NIF3L1: variants seen among roughly 807,000 people sequenced by gnomAD.
NIF3L1 encodes NGG1 interacting factor 3 like 1.
Under a neutral mutation model 35.0 loss-of-function variants are expected in NIF3L1, and 26 were observed. The observed-to-expected ratio is 0.74, with a 90% CI of 0.54 to 1.03. The LOEUF (loss-of-function observed/expected upper bound fraction) is 1.03, where lower values mean the gene tolerates loss of function less well. NIF3L1 is among the 50% of genes least tolerant of loss of function. The probability of loss-of-function intolerance (pLI) is 0.00; values close to 1 mark genes in which losing one functional copy is unlikely to be tolerated. For missense variants in NIF3L1, 449 were observed against 466.3 expected (o/e 0.96, Z 0.34); for synonymous variants, 157 against 178.9 (o/e 0.88, Z 0.98).
intron 1 of NIF3L1, among the ~76,000 whole-genome samples, chr2:200,891,159 G>C (rs1404327853): frequency 6.6e-6 from 1 of 151,950 alleles, no homozygotes; most frequent in Middle Eastern, 3.2e-3. Context: ...GTTTCACCAC[G>C]TTGGCCAGGA....
chr2:200,894,531 G>T (rs1254372643), intron 3 of NIF3L1, among the ~76,000 whole-genome samples: 1 of 151,816 alleles, frequency 6.6e-6, no homozygotes, highest in Non-Finnish European at 1.5e-5. Context: ...CTCCCCAGTA[G>T]CTGGGACTAC....
chr2:200,892,201 A>C lies in NIF3L1; in HGVS notation c.258A>C (p.Ala86=), dbSNP rs750992061. ...TGGAGGAGGTGCTGCAAAAGAAGGC[A>C]GACCTCATTCTCTCCTACCATCCGC... ...EVMEEVLQKK[A]DLILSYHPPI... Residue 86 remains alanine, a synonymous_variant, in exon 2 of 7, where the codon GCA becomes GCC. Transcript: ENST00000409020. The C allele has an allele frequency of 1.9e-6, 3 of 1,614,126 alleles. No individual in the cohort carries two copies. The highest frequency in any genetic ancestry group is 2.7e-5 in the African/African-American group (2 of 74,942).
intron 6 of NIF3L1, among the ~76,000 whole-genome samples, chr2:200,901,955 T>C (rs1282273208): frequency 6.6e-6 from 1 of 152,152 alleles, no homozygotes; most frequent in African/African-American, 2.4e-5. Context: ...TCTACTATTA[T>C]AGATTAAGAT....
chr2:200,899,462 C>T lies in NIF3L1; in HGVS notation c.943C>T (p.Leu315Phe). The T allele has an allele frequency of 6.2e-7, 1 of 1,613,564 alleles. No individual in the cohort carries two copies. Among genetic ancestry groups the T allele is most frequent in the South Asian group, 1.1e-5 (1 of 91,044 alleles). ...GCAGGGTGTTGAGGCTGACCTTTAC[C>T]TCACAGGTAGGACAGACTTTGGATC... ...VLQGVEADLY[L>F]TGEMSHHDTL... Residue 315 changes from leucine (L) to phenylalanine (F), a missense_variant, in exon 6 of 7, where the codon CTC becomes TTC. Physicochemically the swap from Leu to Phe is conservative, Grantham distance 22 (BLOSUM62 0). Transcript: ENST00000409020.
intron 4 of NIF3L1, among the ~76,000 whole-genome samples, chr2:200,895,644 A>G (rs1443710498): frequency 1.3e-5 from 2 of 152,248 alleles, no homozygotes; most frequent in Admixed American, 6.5e-5. Context: ...CAAAATGGCA[A>G]TGAGAGCATA....
At chr2:200,901,215 C>T (rs1340083005) in intron 6 of NIF3L1, among the ~76,000 whole-genome samples, 1 of 152,116 alleles carries the variant, frequency 6.6e-6, no homozygotes, top group Non-Finnish European at 1.5e-5. Flanking sequence ...ATTTCTTTTT[C>T]TGATCCATAT....
At chr2:200,892,427 A>T in intron 2 of NIF3L1, 48 bp downstream of exon 2, 1 of 1,441,642 alleles carries the variant, frequency 6.9e-7, no homozygotes. Context: ...AATACTTTGA[A>T]ACTTTAGGAT....
Position 200,893,389 on chromosome 2 carries a change from G to C in NIF3L1, c.580G>C (p.Val194Leu). 6.2e-7 allele frequency: 1 copy of C among 1,613,772 alleles called. No homozygotes were observed. Among genetic ancestry groups the C allele is most frequent in the Non-Finnish European group, 8.5e-7 (1 of 1,179,844 alleles). The change falls in exon 3 of 7, where the codon GTC (valine) becomes CTC (leucine). Residue 194 changes from valine (V) to leucine (L), a missense_variant. Transcript: ENST00000409020. ...AGTGAAAGGAATTGACGGTGTTTCTGTCACTTCTTTTTCTGCTAGGTACAA... is the reference window on the plus strand; with the variant it reads ...AGTGAAAGGAATTGACGGTGTTTCTCTCACTTCTTTTTCTGCTAGGTACAA... ...SAVKGIDGVS[V>L]TSFSARTGNE... is the part of the protein sequence containing the mutation.
chr2:200,889,786 C>G (rs1404528250), intron 1 of NIF3L1, 134 bp downstream of exon 1: 1 of 152,082 alleles, frequency 6.6e-6, no homozygotes, highest in African/African-American at 2.4e-5. Flanking sequence ...GGCCTGGGCA[C>G]TATTTCCATT....
At chr2:200,896,784 A>G (rs1189123950) in intron 4 of NIF3L1, among the ~76,000 whole-genome samples, 1 of 152,034 alleles carries the variant, frequency 6.6e-6, no homozygotes, top group Non-Finnish European at 1.5e-5. Flanking sequence ...AGGTCTCACT[A>G]TGTTGCCCAG....
At chr2:200,890,230 C>T (rs914563671) in intron 1 of NIF3L1, among the ~76,000 whole-genome samples, 3 of 152,016 alleles carry the variant, frequency 2.0e-5, no homozygotes, top group African/African-American at 7.2e-5. Flanking sequence ...TGGTGTTTAG[C>T]GCCTGTAGTC....
chr2:200,896,645 C>T (rs2040320395), intron 4 of NIF3L1, among the ~76,000 whole-genome samples: 1 of 152,158 alleles, frequency 6.6e-6, no homozygotes. Flanking sequence ...TGCAGTGGTA[C>T]AATCTCAGCT....
rs773192163 is a variant in NIF3L1, at chr2:200,903,578, GCTTT to G, written c.1041_1044del (p.Ser348ThrfsTer14). ...TGTGAACACAGCAACACTGAACGAGGCTTTCTTTCTGACCTTCGAGATATGCTGG... is the reference window on the plus strand; with the variant it reads ...TGTGAACACAGCAACACTGAACGAGGCTTTCTGACCTTCGAGATATGCTGG... On this transcript the variant is annotated frameshift_variant, in exon 7 of 7. Transcript: ENST00000409020. LOFTEE classifies it high-confidence loss of function. The G allele has an allele frequency of 6.2e-7, 1 of 1,613,988 alleles. No individual in the cohort carries two copies. Among genetic ancestry groups the G allele is most frequent in the Non-Finnish European group, 8.5e-7 (1 of 1,179,894 alleles).
At chr2:200,895,715 G>A (rs899867976) in intron 4 of NIF3L1, among the ~76,000 whole-genome samples, 2 of 152,134 alleles carry the variant, frequency 1.3e-5, no homozygotes, top group African/African-American at 4.8e-5. Context: ...ATATTGGTAC[G>A]TCTTCAGGGT....
intron 6 of NIF3L1, among the ~76,000 whole-genome samples, chr2:200,902,686 CT>C (rs2040428245): frequency 6.6e-6 from 1 of 152,180 alleles, no homozygotes; most frequent in South Asian, 2.1e-4. Context: ...AAGAAAAATA[CT>C]TTGTTTTTAA....
rs2040115626 is a variant in NIF3L1, at chr2:200,889,438, C to T, written c.-241C>T. On this transcript the variant is annotated 5_prime_UTR_variant, in exon 1 of 7. Transcript: ENST00000409020. Reference sequence around the variant, plus strand: ...AACCCGCGAGTGTAGTTGTGACCTTCGCGGTAGGTGCCGGTTGGGGCCGGC... The same window carrying T: ...AACCCGCGAGTGTAGTTGTGACCTTTGCGGTAGGTGCCGGTTGGGGCCGGC... 4.7e-6 allele frequency: 1 copy of T among 211,044 alleles called. No individual in the cohort carries two copies. Among genetic ancestry groups the T allele is most frequent in the Admixed American group, 5.4e-5 (1 of 18,482 alleles). The allele number at this position is 211,044 out of a possible 1,614,324, so 13.1% of individuals were successfully genotyped here.
rs770517468 is a variant in NIF3L1, at chr2:200,892,016, C to T, written c.73C>T (p.Arg25Cys). The change falls in exon 2 of 7, where the codon CGT becomes TGT. Residue 25 changes from arginine to cysteine, a missense_variant. By Grantham distance (180) the Arg-to-Cys change is radical (BLOSUM62 -3). Coordinates refer to ENST00000409020, the MANE Select transcript of NIF3L1 (RefSeq NM_001369441.2). ...FVDSLICNSSRSFMDLKALLS... is the reference protein window; with the variant it reads ...FVDSLICNSSCSFMDLKALLS... ...AGATTCCCTGATCTGCAATTCTTCC[C>T]GTTCCTTCATGGATTTGAAGGCTCT... is the stretch of plus-strand genomic sequence containing the variant. 173 of 1,614,022 alleles carry T rather than the reference C, an allele frequency of 1.1e-4. No homozygotes were observed. Among genetic ancestry groups the T allele is most frequent in the Non-Finnish European group, 1.4e-4 (161 of 1,179,992 alleles).
At chr2:200,895,817 T>C (rs747948102) in intron 4 of NIF3L1, among the ~76,000 whole-genome samples, 13 of 152,212 alleles carry the variant, frequency 8.5e-5, no homozygotes, top group Non-Finnish European at 1.6e-4. Flanking sequence ...GCCATTTGTA[T>C]GATGATTTCT....
In NIF3L1 at chr2:200,903,617, T is replaced by G; in HGVS notation, c.1073T>G (p.Leu358Trp). 6.2e-7 allele frequency: 1 copy of G among 1,613,498 alleles called. No homozygotes were observed. The highest frequency in any genetic ancestry group is 8.5e-7 in the Non-Finnish European group (1 of 1,179,424). Residue 358 changes from leucine (L) to tryptophan (W), a missense_variant, in exon 7 of 7, where the codon TTG becomes TGG. Coordinates refer to ENST00000409020, the MANE Select transcript of NIF3L1 (RefSeq NM_001369441.2). ...CTTCGAGATATGCTGGATTCTCACT[T>G]GGAGAATAAGATAAATATTATCCTA... ...SDLRDMLDSHLENKINIILSE... is the reference protein window; with the variant it reads ...SDLRDMLDSHWENKINIILSE...
Sources: allele counts gnomAD v4.1 joint callset (sites outside exome capture counted in the v4.1 genomes callset), GRCh38; gene constraint gnomAD v4.1.1; transcripts MANE v1.5; gene names NCBI Gene and HGNC (gene_info 2026-07-23, HGNC 2026-07-21).